Variants in WWOX observed in about 807,000 individuals in gnomAD.
WWOX encodes WW domain containing oxidoreductase, also known as WW domain-containing oxidoreductase.
In WWOX, 69 loss-of-function variants were observed where a neutral mutation model predicts 46.2. That is an observed-to-expected ratio of 1.49 (90% CI 1.23 to 1.82). The LOEUF (loss-of-function observed/expected upper bound fraction) is 1.82. Ranked by LOEUF, WWOX falls within the 40% of genes most tolerant of loss-of-function variation. The pLI is 0.00. For synonymous variants in WWOX, 359 were observed against 202.6 expected (o/e 1.77, Z -6.56); for missense variants, 919 against 542.6 (o/e 1.69, Z -6.89).
intron 5 of WWOX, chr16:78,237,689 A>T (rs1474226002): frequency 6.6e-6 from 1 of 152,222 alleles, no homozygotes; most frequent in East Asian, 1.9e-4. Flanking sequence ...TCATCTGCAA[A>T]AAAGAATAAA....
chr16:78,750,769 T>C (rs868056768), intron 8 of WWOX, among the ~76,000 whole-genome samples: 6 of 152,230 alleles, frequency 3.9e-5, no homozygotes, highest in Middle Eastern at 3.2e-3. Context: ...TCTGCATTTA[T>C]TCGCTCAGGA....
chr16:78,779,445 T>C (rs1309164059), intron 8 of WWOX, among the ~76,000 whole-genome samples: 1 of 152,168 alleles, frequency 6.6e-6, no homozygotes, highest in Non-Finnish European at 1.5e-5. Context: ...CCCCCTTTCT[T>C]CTTTTTTAAA....
intron 3 of WWOX, among the ~76,000 whole-genome samples, chr16:78,110,664 G>A (rs913124786): frequency 5.9e-5 from 9 of 152,144 alleles, no homozygotes; most frequent in East Asian, 1.9e-4. Context: ...GTAACCACCT[G>A]TCCAACATAT....
At chr16:78,229,948 T>A (rs2037198124) in intron 5 of WWOX, among the ~76,000 whole-genome samples, 1 of 152,122 alleles carries the variant, frequency 6.6e-6, no homozygotes, top group South Asian at 2.1e-4. Context: ...GGCATGACCA[T>A]GGCTCACTGC....
intron 8 of WWOX, among the ~76,000 whole-genome samples, chr16:78,636,389 C>T (rs565990406): frequency 6.6e-6 from 1 of 152,140 alleles, no homozygotes; most frequent in African/African-American, 2.4e-5. Flanking sequence ...ATCAGACTTT[C>T]AGTGTTAAAG....
intron 8 of WWOX, among the ~76,000 whole-genome samples, chr16:78,755,248 GAAAA>G (rs2142467271): frequency 7.1e-6 from 1 of 141,046 alleles, no homozygotes; most frequent in Non-Finnish European, 1.6e-5. Flanking sequence ...AAAAAAAAAA[GAAAA>G]AGAAAACACC....
In WWOX at chr16:78,424,120, G is replaced by GTT. The variant is rs565162154; in HGVS notation, c.606-737_606-736dup. Among the ~76,000 whole-genome samples, 169 of 108,022 alleles carry GTT rather than the reference G, an allele frequency of 1.6e-3. 2 individuals carry two copies. Among genetic ancestry groups the GTT allele is most frequent in the East Asian group, 0.01 (40 of 3,916 alleles). 70.9% of individuals were successfully genotyped at this position (108,022 alleles called of 152,430 possible). On this transcript the variant is annotated intron_variant, in intron 6 of 8. Coordinates refer to ENST00000566780, the MANE Select transcript of WWOX (RefSeq NM_016373.4). ...TTCTTTTCTTTTCTTTTTTTTTTTT[G>GTT]TTTTTTTTTTTTTTGGAGATAGAGT...
Position 78,604,150 on chromosome 16 carries a change from A to G in WWOX, c.1056+171398A>G, listed in dbSNP as rs147498300. Among the ~76,000 whole-genome samples, 598 of 152,286 alleles carry G rather than the reference A, an allele frequency of 3.9e-3. 3 individuals carry two copies. Among genetic ancestry groups the G allele is most frequent in the African/African-American group, 0.014 (578 of 41,556 alleles). On this transcript the variant is annotated intron_variant, in intron 8 of 8. Coordinates refer to ENST00000566780, the MANE Select transcript of WWOX (RefSeq NM_016373.4). ...CCGAGACCTTGTCTAAAAAATAAAT[A>G]AATAAATAAAATTAGAATCTGAATT...
chr16:79,049,345 AAC>A (rs1236916706), intron 8 of WWOX, among the ~76,000 whole-genome samples: 1 of 152,200 alleles, frequency 6.6e-6, no homozygotes, highest in East Asian at 1.9e-4. Flanking sequence ...CACTGGGGCA[AAC>A]ACAGGGGATT....
At chr16:78,753,825 A>AATATAT (rs1159243014) in intron 8 of WWOX, among the ~76,000 whole-genome samples, 265 of 21,262 alleles carry the variant, frequency 0.012, no homozygotes, top group East Asian at 0.022. Flanking sequence ...AAAAAAAAAA[A>AATATAT]ATATATATAT....
chr16:78,574,145 A>G (rs772687796), intron 8 of WWOX, among the ~76,000 whole-genome samples: 6 of 152,180 alleles, frequency 3.9e-5, no homozygotes, highest in African/African-American at 7.2e-5. Context: ...CAGTTCCTGA[A>G]TATCTGGGCT....
At chr16:78,778,067 C>G (rs1278798073) in intron 8 of WWOX, among the ~76,000 whole-genome samples, 8 of 140,200 alleles carry the variant, frequency 5.7e-5, no homozygotes, top group African/African-American at 2.1e-4. Context: ...AAAAAAAAGA[C>G]ATTTACATTT....
At chr16:78,528,540 T>G (rs1032533294) in intron 8 of WWOX, among the ~76,000 whole-genome samples, 4 of 152,040 alleles carry the variant, frequency 2.6e-5, no homozygotes, top group African/African-American at 9.7e-5. Flanking sequence ...TACAAAGTAG[T>G]GGTAAGTGGA....
At chr16:78,582,304 G>T (rs1232860464) in intron 8 of WWOX, among the ~76,000 whole-genome samples, 3 of 152,174 alleles carry the variant, frequency 2.0e-5, no homozygotes, top group Non-Finnish European at 4.4e-5. Context: ...TGTTACGCTT[G>T]TCATCTGAGG....
At chr16:78,122,526 T>G (rs1400632978) in intron 4 of WWOX, among the ~76,000 whole-genome samples, 3 of 152,216 alleles carry the variant, frequency 2.0e-5, no homozygotes, top group Non-Finnish European at 4.4e-5. Context: ...AAAACCCAAT[T>G]AAAATAATTT....
chr16:78,239,308 C>T (rs2037547866), intron 5 of WWOX, among the ~76,000 whole-genome samples: 1 of 152,174 alleles, frequency 6.6e-6, no homozygotes, highest in Non-Finnish European at 1.5e-5. Context: ...GTGCTGTTCC[C>T]TTCCTCCTGG....
At chr16:78,595,350 G>T (rs1275519002) in intron 8 of WWOX, among the ~76,000 whole-genome samples, 3 of 151,352 alleles carry the variant, frequency 2.0e-5, no homozygotes, top group Non-Finnish European at 4.4e-5. Flanking sequence ...TTGCTCACAT[G>T]TGAGTCTTCT....
In WWOX at chr16:78,979,643, C is replaced by G. The variant is rs531565740; in HGVS notation, c.1057-231965C>G. Among the ~76,000 whole-genome samples the G allele has an allele frequency of 1.2e-3, 186 of 152,258 alleles. 1 individual carries two copies. Among genetic ancestry groups the G allele is most frequent in the Admixed American group, 8.5e-4 (13 of 15,304 alleles). ...ATGCTCTTGAAAGGATCTTGTTACT[C>G]AGATGTCTCTAAGACAATGATCAGT... is the stretch of plus-strand genomic sequence containing the variant. On this transcript the variant is annotated intron_variant, in intron 8 of 8. Coordinates refer to ENST00000566780, the MANE Select transcript of WWOX (RefSeq NM_016373.4).
intron 5 of WWOX, among the ~76,000 whole-genome samples, chr16:78,277,042 G>A (rs532740727): frequency 1.3e-5 from 2 of 152,282 alleles, no homozygotes; most frequent in South Asian, 2.1e-4. Flanking sequence ...GTTCATTTGC[G>A]AACCTTGTTA....
Sources: allele counts gnomAD v4.1 joint callset (sites outside exome capture counted in the v4.1 genomes callset), GRCh38; gene constraint gnomAD v4.1.1; transcripts MANE v1.5; gene names NCBI Gene and HGNC (gene_info 2026-07-23, HGNC 2026-07-21).